The following SGSH variants were observed in gnomAD, a reference collection of about 807,000 sequenced individuals.
The protein encoded by SGSH is N-sulfoglucosamine sulfohydrolase.
A neutral mutation model predicts 51.0 loss-of-function variants in SGSH; 48 were observed. The ratio of observed to expected loss-of-function variants is 0.94; its 90% CI spans 0.75 to 1.20. The LOEUF (loss-of-function observed/expected upper bound fraction) is 1.20. Ranked by LOEUF, SGSH falls within the 50% of genes most tolerant of loss-of-function variation. The pLI is 0.00. For synonymous variants in SGSH, 321 were observed against 313.4 expected (o/e 1.02, Z -0.26); for missense variants, 662 against 717.8 (o/e 0.92, Z 0.89).
At chr17:80,204,322 G>T, downstream of SGSH, 1 of 1,584,746 alleles carries the variant, frequency 6.3e-7, no homozygotes, top group African/African-American at 1.3e-5. Context: ...GGGGCCAGTT[G>T]GACCCCAGCA....
chr17:80,205,119 G>A (rs147592804), downstream of SGSH: 38 of 1,613,704 alleles, frequency 2.4e-5, no homozygotes, highest in Admixed American at 3.2e-4. Context: ...GCCCGGCCCC[G>A]GCCTGTGCTC....
At chr17:80,215,589 C>T (rs998198692) in intron 2 of SGSH, among the ~76,000 whole-genome samples, 5 of 150,430 alleles carry the variant, frequency 3.3e-5, no homozygotes, top group African/African-American at 2.4e-5. Flanking sequence ...GGGAGGCCAA[C>T]GCAGGTGGAT....
downstream of SGSH, chr17:80,201,935 G>T: frequency 6.5e-7 from 1 of 1,533,624 alleles, no homozygotes. This position sits in a 1 kb window ranked among gnomAD's most constrained non-coding sequence, Gnocchi z 5.0. Context: ...TTAAGTCCCT[G>T]GTGGTTCTTC....
chr17:80,215,925 G>A (rs913543695), intron 2 of SGSH, among the ~76,000 whole-genome samples: 8 of 152,168 alleles, frequency 5.3e-5, no homozygotes, highest in Non-Finnish European at 7.3e-5. Flanking sequence ...AGCAAAATAC[G>A]GGGCCCATCC....
downstream of SGSH, chr17:80,204,809 A>C (rs1351945015): frequency 2.0e-6 from 1 of 501,188 alleles, no homozygotes; most frequent in Non-Finnish European, 3.5e-6. Context: ...GCTGCAAAGC[A>C]GTCCCTGGAG....
downstream of SGSH, chr17:80,203,846 C>T (rs1431682574): frequency 3.8e-6 from 6 of 1,591,760 alleles, no homozygotes. The surrounding 1 kb of genome is among the most constrained non-coding windows in gnomAD (Gnocchi z 4.6). Context: ...TCATAGCCCT[C>T]ATCCAGGACA....
downstream of SGSH, chr17:80,208,117 C>A (rs772367503): frequency 2.0e-6 from 3 of 1,501,068 alleles, no homozygotes; most frequent in Non-Finnish European, 2.7e-6. Context: ...AGCCCGCCCC[C>A]CCCAACTCTG....
Position 80,210,809 on chromosome 17 carries a change from G to C in SGSH, c.1152C>G (p.Phe384Leu), listed in dbSNP as rs1430777905. The change falls in exon 8 of 8, where the codon TTC becomes TTG. Residue 384 changes from phenylalanine (F) to leucine (L), a missense_variant. Physicochemically the swap from Phe to Leu is conservative, Grantham distance 22. Coordinates refer to ENST00000326317, the MANE Select transcript of SGSH (RefSeq NM_000199.5). ...YPMRSVQHRH[F>L]RLVHNLNFKM... Reference sequence around the variant, plus strand: ...TGAAGTTGAGGTTGTGCACGAGGCGGAAGTGCCGGTGCTGCACGGAGCGCA... The same window carrying C: ...TGAAGTTGAGGTTGTGCACGAGGCGCAAGTGCCGGTGCTGCACGGAGCGCA... 1.2e-6 allele frequency: 2 copies of C among 1,614,082 alleles called. No homozygotes were observed. Among genetic ancestry groups the C allele is most frequent in the Non-Finnish European group, 1.7e-6 (2 of 1,180,036 alleles).
downstream of SGSH, chr17:80,203,136 G>C (rs2041078267): frequency 1.3e-5 from 2 of 152,326 alleles, no homozygotes; most frequent in South Asian, 4.2e-4. This position sits in a 1 kb window ranked among gnomAD's most constrained non-coding sequence, Gnocchi z 4.6. Context: ...TGGGCGTGGT[G>C]GCAGGTGCCT....
At position 80,210,917 on chromosome 17, in the gene SGSH, G is replaced by A. The variant is rs1049008680; in HGVS notation, c.1044C>T (p.Leu348=). Reference sequence around the variant, plus strand: ...GGGGCTCGGCCTCCAGCGCCGGCAGGAGGGACCGGCCAGTGAGGTGGATGG... The same window carrying A: ...GGGGCTCGGCCTCCAGCGCCGGCAGAAGGGACCGGCCAGTGAGGTGGATGG... ...SKTIHLTGRS[L]LPALEAEPLW... Residue 348 remains leucine, a synonymous_variant, in exon 8 of 8, where the codon CTC becomes CTT. Coordinates refer to ENST00000326317, the MANE Select transcript of SGSH (RefSeq NM_000199.5). 6 of 1,609,624 alleles carry A rather than the reference G, an allele frequency of 3.7e-6. No individual in the cohort carries two copies. Among genetic ancestry groups the A allele is most frequent in the Non-Finnish European group, 5.1e-6 (6 of 1,179,976 alleles).
downstream of SGSH, chr17:80,208,261 C>T (rs989789988): frequency 6.3e-7 from 1 of 1,590,878 alleles, no homozygotes; most frequent in African/African-American, 1.3e-5. Flanking sequence ...GCTGGAGCGA[C>T]CTGGACGGCC....
At position 80,210,854 on chromosome 17, in the gene SGSH, C is replaced by T; in HGVS notation, c.1107G>A (p.Glu369=). The T allele has an allele frequency of 6.2e-7, 1 of 1,613,644 alleles. No homozygotes were observed. Among genetic ancestry groups the T allele is most frequent in the Non-Finnish European group, 8.5e-7 (1 of 1,180,020 alleles). Residue 369 remains glutamate, a synonymous_variant, in exon 8 of 8, where the codon GAG becomes GAA. Transcript: ENST00000326317. ...ATVFGSQSHH[E]VTMSYPMRSV... The stretch of plus-strand genomic sequence containing the variant: ...AGCGCATGGGGTAGGACATGGTGAC[C>T]TCGTGGTGGCTCTGGCTGCCAAAGA...
chr17:80,216,118 C>T (rs1311229643), intron 2 of SGSH, among the ~76,000 whole-genome samples: 1 of 152,080 alleles, frequency 6.6e-6, no homozygotes, highest in African/African-American at 2.4e-5. Flanking sequence ...CACTTGAGGC[C>T]AGGAGTTCGA....
rs1259391590 is a variant in SGSH at position 80,209,845 on chromosome 17, TG to T, written c.*606del. ...TGCTGCCAATCAGCTGAAACCTGCC[TG>T]GGGAACAGGGACTTGACCATGGGGC... On this transcript the variant is annotated 3_prime_UTR_variant, in exon 8 of 8. Coordinates refer to ENST00000326317, the MANE Select transcript of SGSH (RefSeq NM_000199.5). The T allele has an allele frequency of 1.0e-6, 1 of 988,110 alleles. No homozygotes were observed. Among genetic ancestry groups the T allele is most frequent in the East Asian group, 1.1e-4 (1 of 8,858 alleles). 61.2% of individuals were successfully genotyped at this position (988,110 alleles called of 1,614,324 possible). A position where few individuals can be genotyped will look rare whatever the true frequency, so the allele number is the denominator to read the frequency against.
chr17:80,211,378 C>CAA, intron 7 of SGSH: 1 of 345,764 alleles, frequency 2.9e-6, no homozygotes, highest in South Asian at 2.8e-5. Flanking sequence ...ATGTGGGCCG[C>CAA]GAGCTCGGAG....
At chr17:80,207,081 C>T (rs1251109466), downstream of SGSH, 1 of 1,612,060 alleles carries the variant, frequency 6.2e-7, no homozygotes, top group African/African-American at 1.3e-5. Context: ...GGCAAAGAAG[C>T]TCAAGTAGGT....
At chr17:80,216,490 G>A (rs2041897377) in intron 2 of SGSH, among the ~76,000 whole-genome samples, 1 of 152,230 alleles carries the variant, frequency 6.6e-6, no homozygotes. Context: ...ATGGATGGTG[G>A]TGATGGCTGC....
downstream of SGSH, chr17:80,208,638 C>T: frequency 2.9e-6 from 1 of 339,346 alleles, no homozygotes; most frequent in Non-Finnish European, 5.3e-6. Flanking sequence ...GGGACGTCTT[C>T]CCATGCCTTC....
downstream of SGSH, chr17:80,208,481 C>T: frequency 1.3e-6 from 1 of 789,184 alleles, no homozygotes; most frequent in Non-Finnish European, 1.9e-6. Context: ...TGGCTGGGGT[C>T]TAACCTTGAA....
Sources: gnomAD v4.1 joint callset for allele counts (sites outside exome capture counted in the v4.1 genomes callset) on GRCh38, gnomAD v4.1.1 for gene constraint, Gnocchi (gnomAD v3.1) non-coding constraint, MANE v1.5 for transcripts, NCBI Gene and HGNC (gene_info 2026-07-23, HGNC 2026-07-21) for gene names.